The following DLG1 variants were observed in gnomAD, a reference collection of about 807,000 sequenced individuals.
DLG1 encodes discs large MAGUK scaffold protein 1.
A neutral mutation model predicts 123.4 loss-of-function variants in DLG1; 42 were observed. The ratio of observed to expected loss-of-function variants is 0.34; its 90% confidence interval spans 0.27 to 0.44. DLG1 has a LOEUF of 0.44. Ranked by LOEUF, DLG1 falls within the 20% of genes least tolerant of loss-of-function variation. DLG1 has a pLI of 1.00. For synonymous variants in DLG1, 317 were observed against 356.2 expected (o/e 0.89, Z 1.24); for missense variants, 942 against 1,082.6 (o/e 0.87, Z 1.82).
chr3:197,134,472 CAA>C (rs11319273), intron 10 of DLG1, among the ~76,000 whole-genome samples: 14,747 of 96,750 alleles, frequency 0.15, 750 homozygotes, highest in African/African-American at 0.16. Flanking sequence ...TTCATAATAC[CAA>C]AAAAAAAAAA....
intron 14 of DLG1, among the ~76,000 whole-genome samples, chr3:197,100,438 T>C (rs73208288): frequency 0.12 from 18,868 of 152,158 alleles, 1,243 homozygotes; most frequent in Middle Eastern, 0.15. Context: ...AAATAAAATA[T>C]GTCACAAATA....
Position 197,136,714 on chromosome 3 carries a change from A to G in DLG1, c.884-36T>C, listed in dbSNP as rs771267943. Reference sequence around the variant, plus strand: ...AACAGTTCTAGATTCTCATCCATAAATATGAACTTAAGCCCAGAAAGAAAT... The same window carrying G: ...AACAGTTCTAGATTCTCATCCATAAGTATGAACTTAAGCCCAGAAAGAAAT... On this transcript the variant is annotated intron_variant, in intron 9 of 24. Transcript: ENST00000667157. 3.5e-5 allele frequency: 55 copies of G among 1,567,490 alleles called. No individual in the cohort carries two copies. The Admixed American group carries it at 1.0e-3, about 30-fold the overall frequency.
At position 197,087,515 on chromosome 3, in the gene DLG1, A is replaced by G. The variant is rs1478989777; in HGVS notation, c.1662-1759T>C. ...AGCCAACAGGGCAAGACCCCATCTC[A>G]AAAAGAACCATGAGGCTTCTGATTA... On this transcript the variant is annotated intron_variant, in intron 15 of 24. Coordinates refer to ENST00000667157, the MANE Select transcript of DLG1 (RefSeq NM_001366207.1). Among the ~76,000 whole-genome samples, 3 of 152,280 alleles carry G rather than the reference A, an allele frequency of 2.0e-5. No individual in the cohort carries two copies. The East Asian group carries it at 5.8e-4, about 29-fold the overall frequency.
At chr3:197,163,899 T>C (rs1799974661) in intron 5 of DLG1, among the ~76,000 whole-genome samples, 1 of 151,898 alleles carries the variant, frequency 6.6e-6, no homozygotes, top group Non-Finnish European at 1.5e-5. Flanking sequence ...TAAGTGAAAT[T>C]AGCCAGACAC....
At chr3:197,073,305 T>G (rs776106238) in intron 18 of DLG1, among the ~76,000 whole-genome samples, 4 of 152,192 alleles carry the variant, frequency 2.6e-5, no homozygotes, top group Non-Finnish European at 5.9e-5. Context: ...TTGTACAACA[T>G]GGAAAGTTGT....
intron 5 of DLG1, among the ~76,000 whole-genome samples, chr3:197,163,215 G>T (rs1799546330): frequency 6.6e-6 from 1 of 152,188 alleles, no homozygotes; most frequent in South Asian, 2.1e-4. Context: ...AACAAGTGGT[G>T]GCAAGGATGT....
intron 8 of DLG1, among the ~76,000 whole-genome samples, chr3:197,139,743 G>A (rs911184055): frequency 6.6e-6 from 1 of 151,942 alleles, no homozygotes; most frequent in African/African-American, 2.4e-5. Context: ...TTCCCAGCCA[G>A]AGAGGAAATG....
At chr3:197,207,757 C>G (rs984334458) in intron 4 of DLG1, among the ~76,000 whole-genome samples, 1 of 147,528 alleles carries the variant, frequency 6.8e-6, no homozygotes, top group Admixed American at 6.8e-5. Context: ...CAACCAATAT[C>G]ATTGGTTAAA....
chr3:197,155,725 G>C (rs1796120890), intron 5 of DLG1, among the ~76,000 whole-genome samples: 1 of 151,922 alleles, frequency 6.6e-6, no homozygotes, highest in South Asian at 2.1e-4. Context: ...GAGCCCAGGA[G>C]TTCAAGACCA....
At chr3:197,261,976 T>C (rs1385722104) in intron 4 of DLG1, among the ~76,000 whole-genome samples, 2 of 152,166 alleles carry the variant, frequency 1.3e-5, no homozygotes, top group East Asian at 3.8e-4. Flanking sequence ...GCTACAGCTA[T>C]AGATCTATTG....
chr3:197,245,806 T>C (rs1751336423), intron 4 of DLG1, among the ~76,000 whole-genome samples: 1 of 151,010 alleles, frequency 6.6e-6, no homozygotes, highest in East Asian at 2.0e-4. Context: ...GAAAAAGCAG[T>C]TTGTTTGGCT....
intron 13 of DLG1, among the ~76,000 whole-genome samples, chr3:197,107,802 G>GT (rs1767451434): frequency 7.0e-6 from 1 of 143,644 alleles, no homozygotes; most frequent in Non-Finnish European, 1.5e-5. Context: ...TATTCTGGTA[G>GT]CCTTTTTTTT....
chr3:197,295,821 G>A (rs1213745769), intron 3 of DLG1, among the ~76,000 whole-genome samples: 1 of 152,146 alleles, frequency 6.6e-6, no homozygotes, highest in Non-Finnish European at 1.5e-5. Context: ...TTCAAATTAA[G>A]TTACAATTAA....
At chr3:197,118,437 A>G (rs1266160053) in intron 12 of DLG1, among the ~76,000 whole-genome samples, 1 of 152,218 alleles carries the variant, frequency 6.6e-6, no homozygotes, top group East Asian at 1.9e-4. Context: ...CAACCTATTA[A>G]GTTTCCAACA....
chr3:197,054,012 G>A (rs1729834695), intron 23 of DLG1, among the ~76,000 whole-genome samples: 1 of 149,922 alleles, frequency 6.7e-6, no homozygotes, highest in Admixed American at 6.7e-5. Flanking sequence ...GGCTGCTTGA[G>A]CCCAGGAAGT....
intron 4 of DLG1, among the ~76,000 whole-genome samples, chr3:197,202,069 C>T (rs1303671787): frequency 6.7e-6 from 1 of 148,850 alleles, no homozygotes; most frequent in Admixed American, 6.6e-5. Context: ...GTGATGGATG[C>T]CCTGGAAGCC....
intron 4 of DLG1, among the ~76,000 whole-genome samples, chr3:197,229,142 C>T (rs533615650): frequency 6.6e-6 from 1 of 152,162 alleles, no homozygotes; most frequent in East Asian, 1.9e-4. Flanking sequence ...CTTTCCACAA[C>T]AAAGAATGAT....
intron 18 of DLG1, among the ~76,000 whole-genome samples, chr3:197,071,930 A>T (rs568395022): frequency 3.3e-5 from 5 of 152,362 alleles, no homozygotes; most frequent in African/African-American, 1.2e-4. Flanking sequence ...CCTTTCCTAG[A>T]TATTTCCCCA....
intron 16 of DLG1, among the ~76,000 whole-genome samples, 169 bp from the exon 17 acceptor site, chr3:197,081,286 G>C (rs1750988311): frequency 6.6e-6 from 1 of 151,880 alleles, no homozygotes; most frequent in Non-Finnish European, 1.5e-5. Context: ...TGAAATAAAG[G>C]GCTCATTTTA....
Sources: allele counts gnomAD v4.1 joint callset (sites outside exome capture counted in the v4.1 genomes callset), GRCh38; gene constraint gnomAD v4.1.1; transcripts MANE v1.5; gene names NCBI Gene and HGNC (gene_info 2026-07-23, HGNC 2026-07-21).